Variants in RAMP1 observed in about 807,000 individuals in gnomAD.
RAMP1 encodes receptor activity modifying protein 1.
In RAMP1, 7 loss-of-function variants were observed where a neutral mutation model predicts 8.2. The observed-to-expected ratio is 0.85, with a 90% CI of 0.49 to 1.60. The LOEUF (loss-of-function observed/expected upper bound fraction) is 1.60. RAMP1 is among the 40% of genes most tolerant of loss of function. The pLI, the probability that RAMP1 is intolerant of heterozygous loss-of-function variation, is 0.00. For synonymous variants in RAMP1, 92 were observed against 84.7 expected, an observed-to-expected ratio of 1.09 and a Z score of -0.47; for missense variants, 192 against 202.4, an observed-to-expected ratio of 0.95 and a Z score of 0.31.
At chr2:237,910,123 GGGTCACACGTACCC>G (rs1330148164) in intron 2 of RAMP1, among the ~76,000 whole-genome samples, 4 of 152,026 alleles carry the variant, frequency 2.6e-5, no homozygotes, top group Non-Finnish European at 5.9e-5. Flanking sequence ...AGTCCATATG[GGGTCACACGTACCC>G]GGTCACACAC....
At chr2:237,887,852 G>T (rs1345323216) in intron 2 of RAMP1, among the ~76,000 whole-genome samples, 6 of 152,318 alleles carry the variant, frequency 3.9e-5, no homozygotes, top group African/African-American at 1.2e-4. Flanking sequence ...GATCGCCTCG[G>T]CCCAGGAGGT....
intron 1 of RAMP1, among the ~76,000 whole-genome samples, chr2:237,871,312 C>G (rs1354496372): frequency 6.6e-6 from 1 of 152,184 alleles, no homozygotes; most frequent in African/African-American, 2.4e-5. Context: ...CAGCTGAGTG[C>G]TTTCACTCTA....
chr2:237,902,202 C>T (rs947103448), intron 2 of RAMP1, among the ~76,000 whole-genome samples: 1 of 151,788 alleles, frequency 6.6e-6, no homozygotes, highest in South Asian at 2.1e-4. Flanking sequence ...GTGAGGATGC[C>T]CCACTGCCAC....
chr2:237,865,062 A>G lies in RAMP1; in HGVS notation c.52+5335A>G, dbSNP rs12465864. 0.16 allele frequency among the ~76,000 whole-genome samples: 24,179 copies of G among 151,932 alleles called. 2,046 individuals are homozygous for G. Among genetic ancestry groups the G allele is most frequent in the Middle Eastern group, 0.26 (75 of 294 alleles). The stretch of plus-strand genomic sequence containing the variant: ...GTGACAGGACAGAAGGTGTGGTTTA[A>G]AGGAGCCCTCAGCTGTGGCCCCCAG... On this transcript the variant is annotated intron_variant, in intron 1 of 2. Coordinates refer to ENST00000254661, the MANE Select transcript of RAMP1 (RefSeq NM_005855.4). This position sits in a 1 kb window ranked among gnomAD's most constrained non-coding sequence, Gnocchi z 4.2.
Position 237,912,010 on chromosome 2 carries a change from C to A in RAMP1, c.*227C>A. On this transcript the variant is annotated 3_prime_UTR_variant, in exon 3 of 3. Coordinates refer to ENST00000254661, the MANE Select transcript of RAMP1 (RefSeq NM_005855.4). ...CCCTAGGAAGGGGGCAGGGACGTGACCTTGACTTACCTCTGGAAAGGGTCC... is the reference window on the plus strand; with the variant it reads ...CCCTAGGAAGGGGGCAGGGACGTGAACTTGACTTACCTCTGGAAAGGGTCC... 1 of 660,114 alleles carries A rather than the reference C, an allele frequency of 1.5e-6. No homozygotes were observed. The highest frequency in any genetic ancestry group is 2.8e-5 in the East Asian group (1 of 35,880). The allele number at this position is 660,114 out of a possible 1,614,324, so 40.9% of individuals were successfully genotyped here. A position where few individuals can be genotyped will look rare whatever the true frequency, so the allele number is the denominator to read the frequency against.
At position 237,859,647 on chromosome 2, in the gene RAMP1, G is replaced by A; in HGVS notation, c.-29G>A. 6.9e-7 allele frequency: 1 copy of A among 1,440,458 alleles called. No individual in the cohort carries two copies. The highest frequency in any genetic ancestry group is 9.1e-7 in the Non-Finnish European group (1 of 1,094,698). 89.2% of individuals were successfully genotyped at this position (1,440,458 alleles called of 1,614,324 possible). A position where few individuals can be genotyped will look rare whatever the true frequency, so the allele number is the denominator to read the frequency against. On this transcript the variant is annotated 5_prime_UTR_variant, in exon 1 of 3. Coordinates refer to ENST00000254661, the MANE Select transcript of RAMP1 (RefSeq NM_005855.4). ...CAGTCCTCAGCGGGGCGCGTGGCGA[G>A]CGGACTCGACTCGGCACCGCTGTGC... is the stretch of plus-strand genomic sequence containing the variant.
At chr2:237,908,778 G>T (rs1015142435) in intron 2 of RAMP1, among the ~76,000 whole-genome samples, 2 of 152,244 alleles carry the variant, frequency 1.3e-5, no homozygotes, top group Non-Finnish European at 2.9e-5. Context: ...AGGCCAGGAT[G>T]GTTTCCTGGT....
chr2:237,859,556 T>A (rs1018188892), upstream of RAMP1: 30 of 621,102 alleles, frequency 4.8e-5, no homozygotes, highest in African/African-American at 5.6e-4. Context: ...GGCCGCCGCC[T>A]CCCACCGCTC....
At chr2:237,901,315 A>T (rs2062594447) in intron 2 of RAMP1, among the ~76,000 whole-genome samples, 3 of 152,252 alleles carry the variant, frequency 2.0e-5, no homozygotes, top group African/African-American at 7.2e-5. Flanking sequence ...TGGTGTCTGC[A>T]GTCTGGTTGT....
intron 1 of RAMP1, among the ~76,000 whole-genome samples, chr2:237,876,476 A>G (rs888266087): frequency 1.3e-4 from 19 of 151,524 alleles, no homozygotes; most frequent in Admixed American, 6.6e-5. Context: ...GCCTGGGGGG[A>G]AAAGGAGGGG....
Position 237,911,632 on chromosome 2 carries a change from G to A in RAMP1, c.296G>A (p.Arg99His), listed in dbSNP as rs112349084. The A allele has an allele frequency of 1.2e-5, 20 of 1,614,120 alleles. No homozygotes were observed. The highest frequency in any genetic ancestry group is 1.6e-4 in the Middle Eastern group (1 of 6,062). Residue 99 changes from arginine to histidine, a missense_variant, in exon 3 of 3, where the codon CGC becomes CAC. By Grantham distance (29) the Arg-to-His change is conservative. Coordinates refer to ENST00000254661, the MANE Select transcript of RAMP1 (RefSeq NM_005855.4). ...AGGTTCTTCCTGGCAGTGCATGGCC[G>A]CTACTTCAGGAGCTGCCCCATCTCA... Reference protein sequence around the residue: ...VDRFFLAVHGRYFRSCPISGR... With the variant: ...VDRFFLAVHGHYFRSCPISGR...
intron 2 of RAMP1, among the ~76,000 whole-genome samples, chr2:237,886,169 G>A (rs1227148089): frequency 1.3e-5 from 2 of 152,166 alleles, no homozygotes; most frequent in Non-Finnish European, 2.9e-5. Flanking sequence ...GGGCTGGGCA[G>A]AGTGGGGCAG....
intron 1 of RAMP1, 103 bp downstream of exon 1, chr2:237,859,830 G>C (rs1482424081): frequency 5.3e-5 from 58 of 1,090,578 alleles, no homozygotes; most frequent in Non-Finnish European, 6.5e-5. Context: ...GAGCGGGTGG[G>C]GGCGGGCGCC....
At chr2:237,893,966 C>CTTTT (rs1559948744) in intron 2 of RAMP1, among the ~76,000 whole-genome samples, 2 of 102,576 alleles carry the variant, frequency 1.9e-5, no homozygotes, top group Non-Finnish European at 1.9e-5. Context: ...AATAAAAATA[C>CTTTT]TTTCTTTTTT....
Position 237,859,717 on chromosome 2 carries a change from G to C in RAMP1, c.42G>C (p.Trp14Cys). ...ALCRLPRRGL[W>C]LLLAHHLFMT... ...GCCGCCTCCCGCGGCGCGGCCTCTGGCTGCTCCTGGGTGAGTAGGTCCAGG... is the reference window on the plus strand; with the variant it reads ...GCCGCCTCCCGCGGCGCGGCCTCTGCCTGCTCCTGGGTGAGTAGGTCCAGG... The change falls in exon 1 of 3, where the codon TGG (tryptophan) becomes TGC (cysteine). Residue 14 changes from tryptophan to cysteine, a missense_variant. By Grantham distance (215) the Trp-to-Cys change is radical. Coordinates refer to ENST00000254661, the MANE Select transcript of RAMP1 (RefSeq NM_005855.4). The C allele has an allele frequency of 6.6e-7, 1 of 1,514,120 alleles. No individual in the cohort carries two copies. Among genetic ancestry groups the C allele is most frequent in the Non-Finnish European group, 8.8e-7 (1 of 1,131,930 alleles). 93.8% of individuals were successfully genotyped at this position (1,514,120 alleles called of 1,614,324 possible). A position where few individuals can be genotyped will look rare whatever the true frequency, so the allele number is the denominator to read the frequency against.
chr2:237,907,377 C>T (rs921235911), intron 2 of RAMP1, among the ~76,000 whole-genome samples: 2 of 152,092 alleles, frequency 1.3e-5, no homozygotes, highest in Admixed American at 6.5e-5. Flanking sequence ...AAGCCTGAGC[C>T]ATTATCTCTT....
In RAMP1 at chr2:237,865,562, C is replaced by G. The variant is rs1291081670; in HGVS notation, c.52+5835C>G. On this transcript the variant is annotated intron_variant, in intron 1 of 2. Transcript: ENST00000254661. The surrounding 1 kb of genome is among the most constrained non-coding windows in gnomAD (Gnocchi z 4.2). ...TGTCATTTGCTGCACCTGGCAGCCC[C>G]GTCCTCAGCAGCCACATGGGGTTCA... is the stretch of plus-strand genomic sequence containing the variant. Among the ~76,000 whole-genome samples the G allele has an allele frequency of 6.6e-6, 1 of 152,194 alleles. No individual in the cohort carries two copies.
At chr2:237,901,827 G>A (rs1176194717) in intron 2 of RAMP1, among the ~76,000 whole-genome samples, 1 of 147,580 alleles carries the variant, frequency 6.8e-6, no homozygotes, top group Non-Finnish European at 1.5e-5. Flanking sequence ...GGGGGAGGCA[G>A]AAGAAGGGGT....
rs2062173953 is a variant in RAMP1 at position 237,865,156 on chromosome 2, G to C, written c.52+5429G>C. On this transcript the variant is annotated intron_variant, in intron 1 of 2. Coordinates refer to ENST00000254661, the MANE Select transcript of RAMP1 (RefSeq NM_005855.4). This position sits in a 1 kb window ranked among gnomAD's most constrained non-coding sequence, Gnocchi z 4.2. ...GGGAGTCCTGGAGGCGAAAGTGATG[G>C]ACTCCAGTCCCTGGGCCTGGATGCA... Among the ~76,000 whole-genome samples, 1 of 151,962 alleles carries C rather than the reference G, an allele frequency of 6.6e-6. No homozygotes were observed. The highest frequency in any genetic ancestry group is 2.4e-5 in the African/African-American group (1 of 41,352).
Sources: gnomAD v4.1 joint callset for allele counts (sites outside exome capture counted in the v4.1 genomes callset) on GRCh38, gnomAD v4.1.1 for gene constraint, Gnocchi (gnomAD v3.1) non-coding constraint, MANE v1.5 for transcripts, NCBI Gene and HGNC (gene_info 2026-07-23, HGNC 2026-07-21) for gene names.